Variants in MTUS2 observed in about 807,000 individuals in gnomAD.
The protein encoded by MTUS2 is microtubule associated scaffold protein 2.
A neutral mutation model predicts 114.1 loss-of-function variants in MTUS2; 40 were observed. The ratio of observed to expected loss-of-function variants is 0.35; its 90% CI spans 0.27 to 0.46. The LOEUF (loss-of-function observed/expected upper bound fraction) is 0.46. Ranked by LOEUF, MTUS2 falls within the 20% of genes least tolerant of loss-of-function variation. The pLI, the probability that MTUS2 is intolerant of heterozygous loss-of-function variation, is 1.00. For missense variants in MTUS2, 1,679 were observed against 1,705.4 expected (o/e 0.98, Z 0.27); for synonymous variants, 688 against 672.0 (o/e 1.02, Z -0.37).
At chr13:28,838,301 C>T (rs142958144) in intron 1 of MTUS2, among the ~76,000 whole-genome samples, 3 of 152,206 alleles carry the variant, frequency 2.0e-5, no homozygotes, top group Non-Finnish European at 2.9e-5. Flanking sequence ...TCTGGGGTAC[C>T]CAAATGGCCT....
chr13:29,330,573 T>C (rs1280798424), intron 7 of MTUS2, among the ~76,000 whole-genome samples: 3 of 152,140 alleles, frequency 2.0e-5, no homozygotes, highest in African/African-American at 7.2e-5. Flanking sequence ...TTAGGTCTTA[T>C]GTTTAAGTCT....
At chr13:28,878,298 C>CGT (rs1878079850) in intron 2 of MTUS2, among the ~76,000 whole-genome samples, 1 of 151,668 alleles carries the variant, frequency 6.6e-6, no homozygotes, top group Non-Finnish European at 1.5e-5. Flanking sequence ...TGTGTACACA[C>CGT]ACACACATAC....
intron 5 of MTUS2, among the ~76,000 whole-genome samples, chr13:29,160,799 T>C (rs1189940791): frequency 2.6e-5 from 4 of 152,072 alleles, no homozygotes; most frequent in Non-Finnish European, 5.9e-5. Context: ...ATATCTGGAT[T>C]TTCAACCACG....
chr13:29,244,812 C>T (rs537531103), intron 5 of MTUS2, among the ~76,000 whole-genome samples: 5 of 150,380 alleles, frequency 3.3e-5, no homozygotes, highest in Non-Finnish European at 4.4e-5. Context: ...AAAAATTAGC[C>T]GGGCATAGTG....
chr13:29,249,920 C>T (rs2139426582), intron 5 of MTUS2, among the ~76,000 whole-genome samples: 1 of 152,146 alleles, frequency 6.6e-6, no homozygotes, highest in East Asian at 1.9e-4. Flanking sequence ...ACCATAAAAA[C>T]CTTAGAAGAA....
At chr13:29,378,217 C>T (rs1170709553) in intron 8 of MTUS2, among the ~76,000 whole-genome samples, 1 of 151,834 alleles carries the variant, frequency 6.6e-6, no homozygotes, top group Non-Finnish European at 1.5e-5. Flanking sequence ...ACATTTATAG[C>T]CCTATACACA....
At chr13:29,494,474 C>CTGT (rs1461570090) in intron 12 of MTUS2, among the ~76,000 whole-genome samples, 3 of 152,020 alleles carry the variant, frequency 2.0e-5, no homozygotes, top group African/African-American at 7.2e-5. Flanking sequence ...GACGAGTTTG[C>CTGT]TGTTGTTTTG....
At chr13:28,948,042 T>C (rs934011657) in intron 2 of MTUS2, among the ~76,000 whole-genome samples, 6 of 152,236 alleles carry the variant, frequency 3.9e-5, no homozygotes, top group Non-Finnish European at 8.8e-5. Flanking sequence ...GTCTTTTTCT[T>C]GTTCAAAGAT....
At position 29,100,789 on chromosome 13, in the gene MTUS2, T is replaced by A; in HGVS notation, c.2463T>A (p.Ala821=). The change falls in exon 5 of 16, where the codon GCT becomes GCA. Residue 821 remains alanine, a synonymous_variant. Transcript: ENST00000612955. ...SSDPSADLKK[A]SSSNAAKSNL... ...TCGTTTTAGCAGATTTAAAGAAAGC[T>A]TCCAGTTCAAATGCTGCAAAATCCA... 1 of 1,551,590 alleles carries A rather than the reference T, an allele frequency of 6.4e-7. No individual in the cohort carries two copies. The highest frequency in any genetic ancestry group is 8.7e-7 in the Non-Finnish European group (1 of 1,146,988).
chr13:29,066,940 G>T (rs1888692519), intron 4 of MTUS2, among the ~76,000 whole-genome samples: 3 of 152,188 alleles, frequency 2.0e-5, no homozygotes, highest in Admixed American at 2.0e-4. Flanking sequence ...GCCAGGCTGA[G>T]CATGGGCAAA....
intron 5 of MTUS2, among the ~76,000 whole-genome samples, chr13:29,184,257 TA>T (rs1894127280): frequency 6.6e-6 from 1 of 152,228 alleles, no homozygotes; most frequent in South Asian, 2.1e-4. Flanking sequence ...TATTAATATA[TA>T]AAACATTACT....
intron 5 of MTUS2, among the ~76,000 whole-genome samples, chr13:29,150,903 A>G (rs1333950689): frequency 1.3e-5 from 2 of 152,056 alleles, no homozygotes; most frequent in South Asian, 2.1e-4. Context: ...ATTCGTCTAC[A>G]TGTCTGTTTT....
chr13:29,291,835 CA>C (rs11365604), intron 6 of MTUS2, among the ~76,000 whole-genome samples: 53,650 of 151,994 alleles, frequency 0.35, 10,035 homozygotes, highest in Admixed American at 0.44. Context: ...GTTGGGAAAA[CA>C]AAGCAGAAAC....
chr13:29,073,697 G>A (rs181573459), intron 4 of MTUS2, among the ~76,000 whole-genome samples: 27 of 152,178 alleles, frequency 1.8e-4, no homozygotes, highest in Non-Finnish European at 3.7e-4. Context: ...CCTTTCTGGG[G>A]CTCACTTTGC....
intron 10 of MTUS2, among the ~76,000 whole-genome samples, chr13:29,483,684 C>T (rs1881376531): frequency 6.6e-6 from 1 of 152,266 alleles, no homozygotes. Context: ...GGTGTTGCCT[C>T]TTGGCTTTCT....
At chr13:29,301,035 T>C (rs979356269) in intron 6 of MTUS2, among the ~76,000 whole-genome samples, 18 of 152,164 alleles carry the variant, frequency 1.2e-4, no homozygotes, top group African/African-American at 4.3e-4. Flanking sequence ...TTCACATCTT[T>C]CATCTTTAAC....
chr13:29,251,179 G>A lies in MTUS2; in HGVS notation c.2645-30525G>A, dbSNP rs1897111312. Among the ~76,000 whole-genome samples the A allele has an allele frequency of 3.3e-5, 5 of 152,186 alleles. No individual in the cohort carries two copies. In the South Asian group the frequency reaches 1.0e-3, roughly 32 times the overall value. ...AAGATCATTTAGCATAAAATTAACA[G>A]CAGAAGCTTTGGGGTTAAAACCTTG... On this transcript the variant is annotated intron_variant, in intron 5 of 15. Coordinates refer to ENST00000612955, the MANE Select transcript of MTUS2 (RefSeq NM_001033602.4).
chr13:28,979,268 GATT>G (rs1402044456), intron 2 of MTUS2, among the ~76,000 whole-genome samples: 1 of 152,150 alleles, frequency 6.6e-6, no homozygotes, highest in African/African-American at 2.4e-5. Flanking sequence ...AATTGTTATT[GATT>G]TCTATTTATG....
chr13:29,233,233 G>GAAA (rs5802513), intron 5 of MTUS2, among the ~76,000 whole-genome samples: 8,736 of 147,622 alleles, frequency 0.059, 269 homozygotes, highest in Middle Eastern at 0.08. Context: ...CATTTTTTAA[G>GAAA]AAAAAAAAAA....
Sources: allele counts gnomAD v4.1 joint callset (sites outside exome capture counted in the v4.1 genomes callset), GRCh38; gene constraint gnomAD v4.1.1; transcripts MANE v1.5; gene names NCBI Gene and HGNC (gene_info 2026-07-23, HGNC 2026-07-21).